Variants in PROM1 observed in about 807,000 individuals in gnomAD.
PROM1 encodes the protein prominin-1.
A neutral mutation model predicts 116.9 loss-of-function variants in PROM1; 105 were observed. The observed-to-expected ratio is 0.90, with a 90% CI of 0.77 to 1.06. The LOEUF is 1.06. PROM1 is among the 50% of genes least tolerant of loss of function. PROM1 has a pLI of 0.00. For missense variants in PROM1, 1,122 were observed against 1,045.2 expected (o/e 1.07, Z -1.01); for synonymous variants, 393 against 387.0 (o/e 1.02, Z -0.18).
chr4:15,978,969 T>C (rs1253590590), intron 26 of PROM1, among the ~76,000 whole-genome samples: 2 of 151,116 alleles, frequency 1.3e-5, no homozygotes, highest in Non-Finnish European at 2.9e-5. Context: ...TGGTTACAGT[T>C]AATTTATTGG....
chr4:16,006,637 TA>T lies in PROM1; in HGVS notation c.1354del (p.Tyr452ThrfsTer38). 1.9e-6 allele frequency: 3 copies of T among 1,612,488 alleles called. No homozygotes were observed. The highest frequency in any genetic ancestry group is 2.5e-6 in the Non-Finnish European group (3 of 1,179,442). On this transcript the variant is annotated frameshift_variant, in exon 13 of 28. Coordinates refer to ENST00000447510, the MANE Select transcript of PROM1 (RefSeq NM_006017.3). LOFTEE classifies it high-confidence loss of function. ...CACGCCACACAGTAAGCCCAGGTAG[TA>T]AAAAATCACGATGAGGGTCAGCAGA... ...CSLLTLIVIF[Y>X]YLGLLCGVCG...
At chr4:15,972,584 G>C (rs536624855) in intron 26 of PROM1, among the ~76,000 whole-genome samples, 1 of 152,324 alleles carries the variant, frequency 6.6e-6, no homozygotes, top group Admixed American at 6.5e-5. Flanking sequence ...CTCAACATGA[G>C]TTTTGGAGGG....
At chr4:16,006,876 C>A (rs186789887) in intron 12 of PROM1, among the ~76,000 whole-genome samples, 186 bp from the exon 13 acceptor site, 36 of 152,326 alleles carry the variant, frequency 2.4e-4, no homozygotes, top group Admixed American at 2.0e-3. Context: ...CCTTCCAATT[C>A]AACCAGCGGA....
chr4:15,984,745 C>CT (rs1477026455), intron 22 of PROM1, among the ~76,000 whole-genome samples: 7 of 152,242 alleles, frequency 4.6e-5, no homozygotes, highest in Admixed American at 2.0e-4. Context: ...AATCTAATGC[C>CT]TGATGATCTG....
intron 5 of PROM1, among the ~76,000 whole-genome samples, chr4:16,030,928 C>T (rs1416634183): frequency 1.3e-5 from 2 of 152,096 alleles, no homozygotes; most frequent in Non-Finnish European, 2.9e-5. Flanking sequence ...TGCTTGTAAT[C>T]CCAGCTACTA....
chr4:16,024,412 GA>G (rs1036056979), intron 6 of PROM1, 54 bp from the exon 7 acceptor site: 134 of 1,445,504 alleles, frequency 9.3e-5, no homozygotes, highest in Non-Finnish European at 1.2e-4. Context: ...AAGGCAATAA[GA>G]GGGCAAAAAG....
intron 2 of PROM1, among the ~76,000 whole-genome samples, chr4:16,040,563 C>T (rs1398693774): frequency 2.6e-5 from 4 of 152,204 alleles, no homozygotes; most frequent in African/African-American, 7.2e-5. Context: ...TAATATGTTG[C>T]AATTTGGGAT....
chr4:16,053,837 A>G (rs1433433140), intron 2 of PROM1, among the ~76,000 whole-genome samples: 1 of 152,226 alleles, frequency 6.6e-6, no homozygotes, highest in East Asian at 1.9e-4. Context: ...GCTCACGCCT[A>G]TAATCCCAGC....
intron 26 of PROM1, among the ~76,000 whole-genome samples, chr4:15,977,193 G>GTGT: frequency 9.3e-6 from 1 of 107,354 alleles, no homozygotes; most frequent in Non-Finnish European, 2.2e-5. Flanking sequence ...ACCCAGGCTT[G>GTGT]CATCTCTCTC....
At chr4:15,974,269 C>T (rs557417573) in intron 26 of PROM1, among the ~76,000 whole-genome samples, 2 of 152,204 alleles carry the variant, frequency 1.3e-5, no homozygotes, top group East Asian at 3.9e-4. Flanking sequence ...TCCACTTGCT[C>T]CGCAGACTGT....
At chr4:16,054,252 A>G (rs1738487876) in intron 2 of PROM1, among the ~76,000 whole-genome samples, 1 of 152,094 alleles carries the variant, frequency 6.6e-6, no homozygotes, top group African/African-American at 2.4e-5. Flanking sequence ...CATTCTATAC[A>G]GCGCTATCAA....
chr4:16,023,054 T>C (rs1184254422), intron 8 of PROM1, among the ~76,000 whole-genome samples: 1 of 151,776 alleles, frequency 6.6e-6, no homozygotes, highest in African/African-American at 2.4e-5. Context: ...CGTATGGCTG[T>C]GTTCCGATAA....
intron 27 of PROM1, among the ~76,000 whole-genome samples, chr4:15,970,509 A>T (rs1446908460): frequency 2.0e-5 from 3 of 148,662 alleles, no homozygotes; most frequent in African/African-American, 7.5e-5. Context: ...CTTTTTAAGT[A>T]AAAAAATTTT....
rs920151408 is a variant in PROM1 at position 15,992,533 on chromosome 4, G to C, written c.1768-142C>G. 7.1e-6 allele frequency: 6 copies of C among 842,842 alleles called. No homozygotes were observed. The Admixed American group carries it at 2.0e-4, about 28-fold the overall frequency. 52.2% of individuals were successfully genotyped at this position (842,842 alleles called of 1,614,324 possible). ...TTTGGGAGGCTGAGGTGGGAGGATC[G>C]CTTGAGCTCAGGAGTTCAAAACCAG... On this transcript the variant is annotated intron_variant, in intron 16 of 27. Coordinates refer to ENST00000447510, the MANE Select transcript of PROM1 (RefSeq NM_006017.3).
intron 2 of PROM1, among the ~76,000 whole-genome samples, chr4:16,052,732 C>T (rs1738182491): frequency 6.6e-6 from 1 of 152,216 alleles, no homozygotes; most frequent in Non-Finnish European, 1.5e-5. Flanking sequence ...CCGCCTACTT[C>T]AGCTTCCCAA....
At chr4:16,001,857 G>T (rs1723944980) in intron 13 of PROM1, among the ~76,000 whole-genome samples, 1 of 152,090 alleles carries the variant, frequency 6.6e-6, no homozygotes, top group Admixed American at 6.6e-5. Flanking sequence ...GGAGAGAACA[G>T]AGCCTGGTTA....
At chr4:16,078,454 A>G (rs1744396648) in intron 1 of PROM1, among the ~76,000 whole-genome samples, 1 of 152,228 alleles carries the variant, frequency 6.6e-6, no homozygotes, top group South Asian at 2.1e-4. Context: ...CCTGCTCCAG[A>G]GCTACAGGGC....
chr4:16,019,772 C>T (rs1053948978), intron 8 of PROM1, among the ~76,000 whole-genome samples: 1 of 152,036 alleles, frequency 6.6e-6, no homozygotes, highest in African/African-American at 2.4e-5. Flanking sequence ...GATCAAGCTG[C>T]AATTGGGTGT....
chr4:16,024,236 T>C (rs1260809282), intron 7 of PROM1, 59 bp downstream of exon 7: 1 of 1,442,772 alleles, frequency 6.9e-7, no homozygotes, highest in Non-Finnish European at 9.7e-7. Context: ...GTCCATGTTT[T>C]ATGGGAGATG....
Sources: allele counts gnomAD v4.1 joint callset (sites outside exome capture counted in the v4.1 genomes callset), GRCh38; gene constraint gnomAD v4.1.1; transcripts MANE v1.5; gene names NCBI Gene and HGNC (gene_info 2026-07-23, HGNC 2026-07-21).